LARGE1: variants seen among roughly 807,000 people sequenced by gnomAD.
LARGE1 encodes xylosyl- and glucuronyltransferase LARGE1.
A neutral mutation model predicts 87.6 loss-of-function variants in LARGE1; 43 were observed. The ratio of observed to expected loss-of-function variants is 0.49; its 90% CI spans 0.38 to 0.63. The LOEUF (loss-of-function observed/expected upper bound fraction) is 0.63, where lower values mean the gene tolerates loss of function less well. LARGE1 is among the 30% of genes least tolerant of loss of function. The pLI is 0.00. For synonymous variants in LARGE1, 434 were observed against 394.6 expected (o/e 1.10, Z -1.18); for missense variants, 802 against 1,000.2 (o/e 0.80, Z 2.67).
At chr22:33,843,746 C>T (rs991720773) in intron 1 of LARGE1, among the ~76,000 whole-genome samples, 6 of 152,004 alleles carry the variant, frequency 3.9e-5, no homozygotes, top group East Asian at 3.9e-4. Context: ...CCAAAATGGC[C>T]GTAAGAGAAT....
intron 1 of LARGE1, among the ~76,000 whole-genome samples, chr22:33,767,858 A>G (rs778884018): frequency 3.3e-5 from 5 of 152,248 alleles, no homozygotes; most frequent in Admixed American, 1.3e-4. Context: ...CTAGGTGCAT[A>G]TAACAGTGGG....
At position 33,668,507 on chromosome 22, in the gene LARGE1, T is replaced by C. The variant is rs549512918; in HGVS notation, c.107-17839A>G. ...TACCTTATTATATCGGTTAAGTCAC[T>C]TTCCCTGTAAAGTATGGGTGCTTCT... On this transcript the variant is annotated intron_variant, in intron 2 of 14. Transcript: ENST00000397394. Among the ~76,000 whole-genome samples, 14 of 152,374 alleles carry C rather than the reference T, an allele frequency of 9.2e-5. 1 individual carries two copies. The South Asian group carries it at 2.7e-3, about 29-fold the overall frequency.
intron 11 of LARGE1, among the ~76,000 whole-genome samples, chr22:33,263,495 T>C (rs1459238357): frequency 6.6e-6 from 1 of 152,230 alleles, no homozygotes; most frequent in Non-Finnish European, 1.5e-5. Context: ...AGAAAAGTCC[T>C]GGGTCAATAG....
intron 7 of LARGE1, among the ~76,000 whole-genome samples, chr22:33,393,692 C>T (rs1302922402): frequency 6.6e-6 from 1 of 152,202 alleles, no homozygotes; most frequent in Non-Finnish European, 1.5e-5. Flanking sequence ...CCATCCTTGT[C>T]GTCGGGGTCT....
chr22:33,181,547 T>TTC (rs1923161583), intron 11 of LARGE1, among the ~76,000 whole-genome samples: 1 of 151,692 alleles, frequency 6.6e-6, no homozygotes, highest in Admixed American at 6.6e-5. Flanking sequence ...TTTTTTTTTT[T>TTC]GAAATGTAGT....
At chr22:33,561,202 A>G (rs2077848493) in intron 6 of LARGE1, among the ~76,000 whole-genome samples, 1 of 152,164 alleles carries the variant, frequency 6.6e-6, no homozygotes, top group Non-Finnish European at 1.5e-5. Context: ...TGTTTTACAA[A>G]CACTCATTTA....
intron 1 of LARGE1, among the ~76,000 whole-genome samples, chr22:33,800,294 C>T (rs1366726220): frequency 6.6e-6 from 1 of 152,186 alleles, no homozygotes; most frequent in African/African-American, 2.4e-5. Context: ...TACCCTTCAT[C>T]CAGTTTCCTC....
At chr22:33,368,771 C>T (rs747739046) in intron 9 of LARGE1, among the ~76,000 whole-genome samples, 7 of 151,718 alleles carry the variant, frequency 4.6e-5, no homozygotes, top group African/African-American at 1.5e-4. Flanking sequence ...TTTGGTTTTC[C>T]GATACATATA....
intron 6 of LARGE1, among the ~76,000 whole-genome samples, chr22:33,451,942 CTT>C (rs2067949585): frequency 6.6e-6 from 1 of 152,228 alleles, no homozygotes; most frequent in African/African-American, 2.4e-5. Context: ...GTTTTCCACT[CTT>C]GAGTTACTTC....
At chr22:33,813,842 T>C (rs550130500) in intron 1 of LARGE1, among the ~76,000 whole-genome samples, 3 of 152,226 alleles carry the variant, frequency 2.0e-5, no homozygotes, top group South Asian at 4.1e-4. Context: ...AATCTCCACA[T>C]AAGAACAAAC....
In LARGE1 at chr22:33,491,931, T is replaced by C. The variant is rs547955840; in HGVS notation, c.788-59666A>G. On this transcript the variant is annotated intron_variant, in intron 6 of 14. Transcript: ENST00000397394. ...CTGAAATGCAAAATTTTTGCTGAGATGAAAGGCCGACCCCTTGATGTGGCC... is the reference window on the plus strand; with the variant it reads ...CTGAAATGCAAAATTTTTGCTGAGACGAAAGGCCGACCCCTTGATGTGGCC... Among the ~76,000 whole-genome samples the C allele has an allele frequency of 3.5e-3, 536 of 152,278 alleles. 5 individuals carry two copies. Among genetic ancestry groups the C allele is most frequent in the South Asian group, 0.024 (114 of 4,818 alleles).
At chr22:33,770,440 G>A (rs940074419) in intron 1 of LARGE1, among the ~76,000 whole-genome samples, 23 of 152,130 alleles carry the variant, frequency 1.5e-4, no homozygotes, top group Admixed American at 2.0e-4. Flanking sequence ...CCAACATTTG[G>A]GAGGGCAAAG....
chr22:33,314,187 T>TAA (rs1289698084), intron 11 of LARGE1, among the ~76,000 whole-genome samples: 214 of 152,274 alleles, frequency 1.4e-3, no homozygotes, highest in African/African-American at 5.0e-3. Flanking sequence ...TCCCTTGCTC[T>TAA]TTTGTCCCAT....
chr22:33,107,400 C>A, the LARGE1 span, among the ~76,000 whole-genome samples: 2 of 152,050 alleles, frequency 1.3e-5, no homozygotes, highest in African/African-American at 4.8e-5. Flanking sequence ...CCCATCTCTA[C>A]GAAAATTAGC....
At chr22:33,907,768 T>G (rs2146941129) in intron 1 of LARGE1, among the ~76,000 whole-genome samples, 1 of 152,220 alleles carries the variant, frequency 6.6e-6, no homozygotes, top group Middle Eastern at 3.4e-3. Flanking sequence ...CTAATTTTTT[T>G]TTGTATTTTT....
At chr22:33,116,778 G>C in the LARGE1 span, among the ~76,000 whole-genome samples, 1 of 152,184 alleles carries the variant, frequency 6.6e-6, no homozygotes, top group Non-Finnish European at 1.5e-5. Context: ...TTCATAAAGT[G>C]GGGGTGGAGT....
chr22:33,345,166 T>A (rs917087155), intron 9 of LARGE1, among the ~76,000 whole-genome samples: 18 of 152,170 alleles, frequency 1.2e-4, no homozygotes, highest in African/African-American at 4.3e-4. Context: ...TTGCTTCTGA[T>A]AGCTCATTTA....
intron 6 of LARGE1, among the ~76,000 whole-genome samples, chr22:33,533,200 G>C (rs2076947095): frequency 2.0e-5 from 3 of 152,284 alleles, no homozygotes; most frequent in Admixed American, 2.0e-4. Context: ...TTCATTTTAT[G>C]AGCAAAGACA....
In LARGE1 at chr22:33,799,885, A is replaced by C. The variant is rs562191381; in HGVS notation, c.-82-38327T>G. On this transcript the variant is annotated intron_variant, in intron 1 of 14. Coordinates refer to ENST00000397394, the MANE Select transcript of LARGE1 (RefSeq NM_133642.5). ...CTCTCCATAGATAAGGTCATAGAAG[A>C]GCTAGGATCTGAAGTAGGAACTAGA... is the stretch of plus-strand genomic sequence containing the variant. Among the ~76,000 whole-genome samples, 31 of 152,234 alleles carry C rather than the reference A, an allele frequency of 2.0e-4. 1 individual carries two copies. Among genetic ancestry groups the C allele is most frequent in the Admixed American group, 1.5e-3 (23 of 15,294 alleles).
Sources: allele counts gnomAD v4.1 joint callset (sites outside exome capture counted in the v4.1 genomes callset), GRCh38; gene constraint gnomAD v4.1.1; transcripts MANE v1.5; gene names NCBI Gene and HGNC (gene_info 2026-07-23, HGNC 2026-07-21).